Variants in CLMP observed in about 807,000 individuals in gnomAD.
CLMP encodes CXADR-like membrane protein.
A neutral mutation model predicts 45.2 loss-of-function variants in CLMP; 27 were observed. The ratio of observed to expected loss-of-function variants is 0.60; its 90% CI spans 0.44 to 0.82. CLMP has a LOEUF of 0.82. Ranked by LOEUF, CLMP falls within the 40% of genes least tolerant of loss-of-function variation. The probability of loss-of-function intolerance (pLI) is 0.00; values close to 1 mark genes in which losing one functional copy is unlikely to be tolerated. For synonymous variants in CLMP, 167 were observed against 171.4 expected, an observed-to-expected ratio of 0.97 and a Z score of 0.20; for missense variants, 403 against 448.4, an observed-to-expected ratio of 0.90 and a Z score of 0.91.
intron 1 of CLMP, among the ~76,000 whole-genome samples, chr11:123,155,197 A>T (rs949105893): frequency 6.6e-6 from 1 of 152,152 alleles, no homozygotes; most frequent in Non-Finnish European, 1.5e-5. Context: ...TACTATGTTC[A>T]CCAGGCTGGT....
chr11:123,121,817 T>C (rs528500221), intron 1 of CLMP, among the ~76,000 whole-genome samples: 9 of 152,198 alleles, frequency 5.9e-5, no homozygotes, highest in Non-Finnish European at 1.3e-4. Flanking sequence ...CAAACATTTG[T>C]TGACATTTCT....
chr11:123,186,960 G>A (rs926411306), intron 1 of CLMP, among the ~76,000 whole-genome samples: 2 of 152,032 alleles, frequency 1.3e-5, no homozygotes, highest in African/African-American at 2.4e-5. Context: ...CTGACTTCAA[G>A]CAGACCCTCC....
chr11:123,104,535 C>T (rs1860507776), intron 1 of CLMP, among the ~76,000 whole-genome samples: 1 of 151,988 alleles, frequency 6.6e-6, no homozygotes, highest in African/African-American at 2.4e-5. Context: ...CAGGCAGGCG[C>T]CACCATGCTC....
At position 123,110,712 on chromosome 11, in the gene CLMP, C is replaced by G. The variant is rs574263625; in HGVS notation, c.29-12760G>C. Among the ~76,000 whole-genome samples, 4 of 152,208 alleles carry G rather than the reference C, an allele frequency of 2.6e-5. No individual in the cohort carries two copies. The South Asian group carries it at 8.3e-4, about 32-fold the overall frequency. The stretch of plus-strand genomic sequence containing the variant: ...CCGGATATTGAGCATCTACTTCCTT[C>G]CCAGTCTGTGGGTTAGTTTTAGAGG... On this transcript the variant is annotated intron_variant, in intron 1 of 6. Coordinates refer to ENST00000448775, the MANE Select transcript of CLMP (RefSeq NM_024769.5).
chr11:123,177,926 G>A (rs1235365982), intron 1 of CLMP, among the ~76,000 whole-genome samples: 6 of 152,206 alleles, frequency 3.9e-5, no homozygotes, highest in Admixed American at 2.0e-4. Flanking sequence ...GCAGTGGCAC[G>A]ATCTCGGCTC....
At chr11:123,088,138 G>C (rs1865887130) in intron 2 of CLMP, among the ~76,000 whole-genome samples, 1 of 152,054 alleles carries the variant, frequency 6.6e-6, no homozygotes, top group Non-Finnish European at 1.5e-5. Flanking sequence ...TCGAACTCCT[G>C]ACTTCAGGTG....
Position 123,195,225 on chromosome 11 carries a change from C to T in CLMP, c.-285G>A. The T allele has an allele frequency of 4.2e-6, 1 of 238,270 alleles. No homozygotes were observed. The allele number at this position is 238,270 out of a possible 1,614,324, so 14.8% of individuals were successfully genotyped here. On this transcript the variant is annotated 5_prime_UTR_variant, in exon 1 of 7. Transcript: ENST00000448775. ...CGCTACCGCTTCGTGGAACACTTTTCCCTGTTTGGAAAGAAAAAGGAGTGA... is the reference window on the plus strand; with the variant it reads ...CGCTACCGCTTCGTGGAACACTTTTTCCTGTTTGGAAAGAAAAAGGAGTGA...
At chr11:123,112,590 G>A (rs903094499) in intron 1 of CLMP, among the ~76,000 whole-genome samples, 7 of 151,858 alleles carry the variant, frequency 4.6e-5, no homozygotes, top group African/African-American at 1.7e-4. Context: ...CCCCCACCTC[G>A]GCCTCCCAAA....
chr11:123,154,562 G>A (rs1047543744), intron 1 of CLMP, among the ~76,000 whole-genome samples: 3 of 152,154 alleles, frequency 2.0e-5, no homozygotes, highest in African/African-American at 7.2e-5. Flanking sequence ...CAGATATCAT[G>A]ACATAAGAGA....
At chr11:123,175,364 AACTC>A (rs1264847781) in intron 1 of CLMP, among the ~76,000 whole-genome samples, 1 of 152,178 alleles carries the variant, frequency 6.6e-6, no homozygotes, top group African/African-American at 2.4e-5. Flanking sequence ...ATCTCACGAG[AACTC>A]ACTCACTATC....
intron 2 of CLMP, among the ~76,000 whole-genome samples, chr11:123,085,719 A>G (rs983713472): frequency 1.1e-4 from 16 of 150,242 alleles, no homozygotes; most frequent in South Asian, 4.2e-4. Context: ...ATAAATGCAT[A>G]TCTGATTGCT....
In CLMP at chr11:123,143,916, C is replaced by T. The variant is rs143958159; in HGVS notation, c.29-45964G>A. Among the ~76,000 whole-genome samples the T allele has an allele frequency of 6.6e-3, 997 of 152,146 alleles. 14 individuals are homozygous for T. Among genetic ancestry groups the T allele is most frequent in the African/African-American group, 0.023 (954 of 41,508 alleles). On this transcript the variant is annotated intron_variant, in intron 1 of 6. Transcript: ENST00000448775. Reference sequence around the variant, plus strand: ...CCCTACCTCCCAGGTCCAAGCGATCCTCCTACCTCAGCCTCCTGAATAGCA... The same window carrying T: ...CCCTACCTCCCAGGTCCAAGCGATCTTCCTACCTCAGCCTCCTGAATAGCA...
intron 2 of CLMP, among the ~76,000 whole-genome samples, chr11:123,095,214 A>C (rs1201782702): frequency 6.6e-6 from 1 of 152,236 alleles, no homozygotes; most frequent in Non-Finnish European, 1.5e-5. Context: ...ATAACCAAGC[A>C]AGTCTTTTTT....
intron 1 of CLMP, among the ~76,000 whole-genome samples, chr11:123,171,745 G>A (rs549870668): frequency 1.3e-5 from 2 of 152,030 alleles, no homozygotes; most frequent in South Asian, 4.2e-4. Flanking sequence ...CGCTCGGCCT[G>A]TTGGAAGACT....
chr11:123,128,035 C>CAA lies in CLMP; in HGVS notation c.29-30085_29-30084dup, dbSNP rs35399534. 2.8e-4 allele frequency among the ~76,000 whole-genome samples: 26 copies of CAA among 91,838 alleles called. 1 individual carries two copies. Among genetic ancestry groups the CAA allele is most frequent in the South Asian group, 1.6e-3 (4 of 2,502 alleles). 60.2% of individuals were successfully genotyped at this position (91,838 alleles called of 152,430 possible). Reference sequence around the variant, plus strand: ...CTGGTGACAGAATGAGACTCTGTCTCAAAAAAAAAAAAAAAAAAGGTAATA... The same window carrying CAA: ...CTGGTGACAGAATGAGACTCTGTCTCAAAAAAAAAAAAAAAAAAAAGGTAATA... On this transcript the variant is annotated intron_variant, in intron 1 of 6. Coordinates refer to ENST00000448775, the MANE Select transcript of CLMP (RefSeq NM_024769.5).
chr11:123,151,603 A>G (rs1373544261), intron 1 of CLMP, among the ~76,000 whole-genome samples: 2 of 152,246 alleles, frequency 1.3e-5, no homozygotes, highest in Non-Finnish European at 2.9e-5. Context: ...AAGACAATAT[A>G]TGAATACATG....
intron 1 of CLMP, among the ~76,000 whole-genome samples, chr11:123,134,368 C>T (rs953087601): frequency 3.9e-5 from 6 of 152,062 alleles, no homozygotes; most frequent in African/African-American, 1.4e-4. Flanking sequence ...CCTACACTCC[C>T]CTTGAATATT....
intron 1 of CLMP, among the ~76,000 whole-genome samples, chr11:123,176,482 C>T (rs897829517): frequency 5.9e-5 from 9 of 152,184 alleles, no homozygotes; most frequent in African/African-American, 1.9e-4. Context: ...GCTGGTGGCC[C>T]GCAGGCACCA....
chr11:123,075,822 T>C (rs1260800560), intron 5 of CLMP, among the ~76,000 whole-genome samples: 2 of 152,164 alleles, frequency 1.3e-5, no homozygotes, highest in African/African-American at 4.8e-5. Context: ...CTCTGCCGAC[T>C]TCCCTGTTTT....
Sources: allele counts gnomAD v4.1 joint callset (sites outside exome capture counted in the v4.1 genomes callset), GRCh38; gene constraint gnomAD v4.1.1; transcripts MANE v1.5; gene names NCBI Gene and HGNC (gene_info 2026-07-23, HGNC 2026-07-21).